The following LRBA variants were observed in gnomAD, a reference collection of about 807,000 sequenced individuals.
LRBA encodes lipopolysaccharide-responsive and beige-like anchor protein.
LRBA carries 176 observed loss-of-function variants against 330.0 expected under a neutral mutation model. The ratio of observed to expected loss-of-function variants is 0.53; its 90% CI spans 0.47 to 0.60. LRBA has a LOEUF of 0.60. Among genes scored for constraint, LRBA ranks in the 20% least tolerant of loss-of-function variants. The pLI, the probability that LRBA is intolerant of heterozygous loss-of-function variation, is 0.00. For missense variants in LRBA, 3,259 were observed against 3,444.8 expected (o/e 0.95, Z 1.35); for synonymous variants, 1,230 against 1,193.0 (o/e 1.03, Z -0.64).
At chr4:150,734,269 CTAAAG>C (rs1368865118) in intron 36 of LRBA, among the ~76,000 whole-genome samples, 9 of 151,584 alleles carry the variant, frequency 5.9e-5, no homozygotes, top group Admixed American at 2.0e-4. Context: ...GGTAGATATC[CTAAAG>C]TAAACAATTT....
intron 2 of LRBA, among the ~76,000 whole-genome samples, chr4:150,969,829 A>G (rs4696640): frequency 0.7 from 106,802 of 152,134 alleles, 43,366 homozygotes; most frequent in Non-Finnish European, 0.91. Context: ...TATTGTTGAG[A>G]TAACAAAGGA....
intron 48 of LRBA, among the ~76,000 whole-genome samples, chr4:150,335,462 T>C (rs1223859905): frequency 2.2e-5 from 3 of 136,638 alleles, no homozygotes; most frequent in East Asian, 2.0e-4. Flanking sequence ...TGTGTATATA[T>C]GTGTATATAT....
At chr4:150,584,432 CT>C (rs561951856) in intron 40 of LRBA, 232 of 126,466 alleles carry the variant, frequency 1.8e-3, no homozygotes, top group African/African-American at 6.3e-3. Context: ...GTTCCCCCCC[CT>C]TTTCCTTCTT....
At chr4:150,416,754 G>C (rs923013685) in intron 46 of LRBA, among the ~76,000 whole-genome samples, 1 of 151,722 alleles carries the variant, frequency 6.6e-6, no homozygotes, top group Non-Finnish European at 1.5e-5. Flanking sequence ...TGACAAAAGA[G>C]GAAAACACAG....
intron 37 of LRBA, among the ~76,000 whole-genome samples, chr4:150,624,310 C>CA (rs11301318): frequency 3.2e-4 from 45 of 140,340 alleles, no homozygotes; most frequent in African/African-American, 9.2e-4. Flanking sequence ...ACCTCCCTAT[C>CA]AAAAAAAAAA....
At chr4:150,661,483 A>AT (rs1210128616) in intron 37 of LRBA, among the ~76,000 whole-genome samples, 1 of 151,742 alleles carries the variant, frequency 6.6e-6, no homozygotes, top group Admixed American at 6.6e-5. Flanking sequence ...AAAAAAAAAA[A>AT]AAAAGAAGAA....
chr4:150,827,003 G>A (rs1746375150), intron 30 of LRBA, among the ~76,000 whole-genome samples: 1 of 152,190 alleles, frequency 6.6e-6, no homozygotes, highest in Non-Finnish European at 1.5e-5. Flanking sequence ...GAAATCATGA[G>A]AGACTATAGA....
intron 46 of LRBA, among the ~76,000 whole-genome samples, chr4:150,429,417 T>C (rs558603212): frequency 5.3e-5 from 8 of 151,992 alleles, no homozygotes; most frequent in East Asian, 3.9e-4. Context: ...CAAGATGTAA[T>C]AGGATTTTGG....
In LRBA at chr4:151,014,776, A is replaced by T. The variant is rs1745244464; in HGVS notation, c.-134T>A. The T allele has an allele frequency of 1.6e-6, 1 of 614,658 alleles. No homozygotes were observed. Among genetic ancestry groups the T allele is most frequent in the Non-Finnish European group, 2.9e-6 (1 of 348,658 alleles). The allele number at this position is 614,658 out of a possible 1,614,324, so 38.1% of individuals were successfully genotyped here. A position where few individuals can be genotyped will look rare whatever the true frequency, so the allele number is the denominator to read the frequency against. ...TTGTGGAGATACCCCAAAGCAGTTGATGTGGAAAGTCCTTGGCGTCGCCCT... is the reference window on the plus strand; with the variant it reads ...TTGTGGAGATACCCCAAAGCAGTTGTTGTGGAAAGTCCTTGGCGTCGCCCT... On this transcript the variant is annotated 5_prime_UTR_variant, in exon 2 of 57. Coordinates refer to ENST00000651943, the MANE Select transcript of LRBA (RefSeq NM_001364905.1).
At chr4:150,887,339 A>G (rs768259876) in intron 17 of LRBA, among the ~76,000 whole-genome samples, 3 of 152,228 alleles carry the variant, frequency 2.0e-5, no homozygotes, top group Non-Finnish European at 4.4e-5. Context: ...AAAAAAAACA[A>G]GACTGAAACA....
intron 37 of LRBA, among the ~76,000 whole-genome samples, chr4:150,638,490 C>T (rs1335861831): frequency 6.6e-6 from 1 of 152,132 alleles, no homozygotes; most frequent in African/African-American, 2.4e-5. Context: ...CAATAAAATG[C>T]TATTTTCAAG....
At chr4:150,984,809 G>C (rs115544157) in intron 2 of LRBA, among the ~76,000 whole-genome samples, 1 of 151,930 alleles carries the variant, frequency 6.6e-6, no homozygotes, top group Admixed American at 6.6e-5. Context: ...GAAAGGCTGA[G>C]GTAGCAAAGG....
At chr4:150,791,096 T>C (rs1172085333) in intron 34 of LRBA, among the ~76,000 whole-genome samples, 1 of 152,236 alleles carries the variant, frequency 6.6e-6, no homozygotes, top group Non-Finnish European at 1.5e-5. Flanking sequence ...TCCAAACTTA[T>C]TTAACACTGT....
chr4:150,929,984 C>T (rs1734295451), intron 2 of LRBA, among the ~76,000 whole-genome samples: 1 of 152,010 alleles, frequency 6.6e-6, no homozygotes, highest in African/African-American at 2.4e-5. Flanking sequence ...ACTGCATACC[C>T]AAAAGGTATG....
chr4:150,388,185 A>G (rs1743362623), intron 47 of LRBA, among the ~76,000 whole-genome samples: 1 of 152,226 alleles, frequency 6.6e-6, no homozygotes, highest in Non-Finnish European at 1.5e-5. Flanking sequence ...CCTCTTTCAT[A>G]AAGACACCAG....
intron 48 of LRBA, 73 bp from the exon 49 acceptor site, chr4:150,325,971 G>A: frequency 1.2e-6 from 1 of 818,290 alleles, no homozygotes; most frequent in Admixed American, 2.0e-5. Context: ...ACTGTCACCT[G>A]AAAATATCAT....
At position 150,683,920 on chromosome 4, in the gene LRBA, A is replaced by G. The variant is rs72736390; in HGVS notation, c.5755-203T>C. ...TTACTTCTGTGAAGTCAATCATGAG[A>G]TACACTCAGAAGTGGTAAACATTCA... On this transcript the variant is annotated intron_variant, in intron 36 of 56. Transcript: ENST00000651943. The G allele has an allele frequency of 1.8e-3, 944 of 515,484 alleles. 3 individuals carry two copies. The highest frequency in any genetic ancestry group is 3.3e-3 in the Admixed American group (99 of 29,810). 31.9% of individuals were successfully genotyped at this position (515,484 alleles called of 1,614,324 possible).
At chr4:150,979,423 TAGTA>T (rs1293947180) in intron 2 of LRBA, among the ~76,000 whole-genome samples, 4 of 152,130 alleles carry the variant, frequency 2.6e-5, no homozygotes, top group Admixed American at 6.5e-5. Flanking sequence ...AAACAGATGT[TAGTA>T]AGCAACAAGA....
intron 47 of LRBA, among the ~76,000 whole-genome samples, chr4:150,374,866 C>T (rs1740998878): frequency 6.6e-6 from 1 of 152,174 alleles, no homozygotes; most frequent in Non-Finnish European, 1.5e-5. Flanking sequence ...GTTGCTTAAA[C>T]ATCCGAAAGA....
Sources: gnomAD v4.1 joint callset for allele counts (sites outside exome capture counted in the v4.1 genomes callset) on GRCh38, gnomAD v4.1.1 for gene constraint, MANE v1.5 for transcripts, NCBI Gene and HGNC (gene_info 2026-07-23, HGNC 2026-07-21) for gene names.